Variants in PARP16 observed in about 807,000 individuals in gnomAD.
PARP16 encodes the protein poly(ADP-ribose) polymerase family member 16.
PARP16 carries 31 observed loss-of-function variants against 35.0 expected under a neutral mutation model. That is an observed-to-expected ratio of 0.88 (90% CI 0.66 to 1.19). The LOEUF (loss-of-function observed/expected upper bound fraction) is 1.19, where lower values mean the gene tolerates loss of function less well. Ranked by LOEUF, PARP16 falls within the 50% of genes most tolerant of loss-of-function variation. The probability of loss-of-function intolerance (pLI) is 0.00; values close to 1 mark genes in which losing one functional copy is unlikely to be tolerated. For synonymous variants in PARP16, 162 were observed against 169.5 expected (o/e 0.96, Z 0.34); for missense variants, 424 against 411.2 (o/e 1.03, Z -0.27).
At position 65,240,194 on chromosome 15, in the gene PARP16, A is replaced by G. The variant is rs535085930; in HGVS notation, c.*98-5371T>C. On this transcript the variant is annotated intron_variant and NMD_transcript_variant, in intron 3 of 3. Transcript: ENST00000559805. The stretch of plus-strand genomic sequence containing the variant: ...AGTCTCGCTCTGTCGCCCAGGCTGG[A>G]GAGCAGTGGCTCGGCTCACTGCAAG... 2.6e-5 allele frequency among the ~76,000 whole-genome samples: 4 copies of G among 151,018 alleles called. No individual in the cohort carries two copies. In the East Asian group the frequency reaches 5.9e-4, roughly 22 times the overall value.
At chr15:65,265,904 T>A (rs1360921505) in intron 3 of PARP16, among the ~76,000 whole-genome samples, 4 of 152,198 alleles carry the variant, frequency 2.6e-5, no homozygotes, top group African/African-American at 9.7e-5. Flanking sequence ...CAGCCAGGCA[T>A]CTGGGATTTT....
intron 3 of PARP16, among the ~76,000 whole-genome samples, chr15:65,247,088 TCAAG>T (rs1236201567): frequency 6.6e-6 from 1 of 151,976 alleles, no homozygotes. Context: ...CCTCCTGGGC[TCAAG>T]CAGTCTTCCA....
intron 1 of PARP16, among the ~76,000 whole-genome samples, chr15:65,284,337 C>CTTTTTTTTTTTTTTTTTTTTTTTTTTTT (rs34254507): frequency 1.5e-5 from 1 of 67,034 alleles, no homozygotes. Flanking sequence ...TTTCTTTCCT[C>CTTTTTTTTTTTTTTTTTTTTTTTTTTTT]TTTTTTTTTT....
chr15:65,264,058 A>C (rs2089819145), intron 3 of PARP16, among the ~76,000 whole-genome samples: 1 of 152,192 alleles, frequency 6.6e-6, no homozygotes, highest in African/African-American at 2.4e-5. Context: ...CTATAACAAA[A>C]TGAGGGAGGC....
chr15:65,266,513 A>G, intron 3 of PARP16, 49 bp downstream of exon 3: 1 of 1,498,438 alleles, frequency 6.7e-7, no homozygotes, highest in Non-Finnish European at 9.3e-7. Context: ...CCACTCTCCC[A>G]CCTCCATCCC....
At chr15:65,260,412 C>G (rs998079931) in intron 5 of PARP16, among the ~76,000 whole-genome samples, 5 of 152,194 alleles carry the variant, frequency 3.3e-5, no homozygotes, top group Admixed American at 6.5e-5. Flanking sequence ...CTATTGAGTT[C>G]AAGGCCCTCA....
chr15:65,232,575 C>A (rs1166355952), downstream of PARP16, among the ~76,000 whole-genome samples: 1 of 152,086 alleles, frequency 6.6e-6, no homozygotes, highest in Non-Finnish European at 1.5e-5. Context: ...CCCATGAGAC[C>A]ATGAAAATTC....
At chr15:65,264,192 G>GT (rs960665188) in intron 3 of PARP16, among the ~76,000 whole-genome samples, 6 of 152,194 alleles carry the variant, frequency 3.9e-5, no homozygotes. Flanking sequence ...TGAAGGACCT[G>GT]TAAGTTGAGG....
chr15:65,271,445 C>T (rs2090091943), intron 1 of PARP16, among the ~76,000 whole-genome samples: 1 of 151,932 alleles, frequency 6.6e-6, no homozygotes, highest in East Asian at 1.9e-4. Flanking sequence ...GGCTACTTTT[C>T]ATATTTTTTG....
chr15:65,267,369 C>T (rs563697906), intron 2 of PARP16, among the ~76,000 whole-genome samples: 63 of 151,056 alleles, frequency 4.2e-4, no homozygotes, highest in African/African-American at 1.4e-3. Flanking sequence ...GCACTTTGGG[C>T]GGCCGAGGCA....
chr15:65,255,673 C>T (rs142663390), downstream of PARP16, among the ~76,000 whole-genome samples: 18 of 135,368 alleles, frequency 1.3e-4, no homozygotes, highest in African/African-American at 4.7e-4. Context: ...TCAGGTATTG[C>T]GTTACCATTT....
At chr15:65,264,991 GC>G (rs2089843051) in intron 3 of PARP16, among the ~76,000 whole-genome samples, 1 of 152,246 alleles carries the variant, frequency 6.6e-6, no homozygotes, top group South Asian at 2.1e-4. Flanking sequence ...TAAAGGGGAA[GC>G]CCCCTGAATT....
At chr15:65,281,342 T>C (rs1347661543) in intron 1 of PARP16, among the ~76,000 whole-genome samples, 2 of 152,224 alleles carry the variant, frequency 1.3e-5, no homozygotes, top group Middle Eastern at 3.4e-3. Context: ...CCTCAAACAT[T>C]TGATAAGTAC....
rs563400237 is a variant in PARP16 at position 65,243,728 on chromosome 15, A to AT, written c.*97+4388dup. ...ATCTGGGCCTGGAGGGTTTCATTTT[A>AT]TTTTTTTTTGTGGGAAGGTTTTTAA... On this transcript the variant is annotated intron_variant and NMD_transcript_variant, in intron 3 of 3. Coordinates refer to the PARP16 transcript ENST00000559805. Among the ~76,000 whole-genome samples, 426 of 150,962 alleles carry AT rather than the reference A, an allele frequency of 2.8e-3. 3 individuals are homozygous for AT. Among genetic ancestry groups the AT allele is most frequent in the Middle Eastern group, 3.4e-3 (1 of 294 alleles).
chr15:65,250,005 T>TA (rs761122958), intron 2 of PARP16, among the ~76,000 whole-genome samples: 19 of 152,108 alleles, frequency 1.2e-4, no homozygotes, highest in Non-Finnish European at 2.6e-4. Flanking sequence ...ACTCGTTTTC[T>TA]ATTCACTGGG....
At chr15:65,276,897 G>A (rs965885016) in intron 1 of PARP16, among the ~76,000 whole-genome samples, 13 of 151,484 alleles carry the variant, frequency 8.6e-5, no homozygotes, top group African/African-American at 2.7e-4. Context: ...CAGGAGAATC[G>A]CTTGAACCGG....
intron 1 of PARP16, among the ~76,000 whole-genome samples, chr15:65,272,841 A>G (rs2090133157): frequency 6.6e-6 from 1 of 152,224 alleles, no homozygotes; most frequent in Admixed American, 6.5e-5. Flanking sequence ...GGAAGTTTGA[A>G]GAAGGTCACA....
intron 1 of PARP16, among the ~76,000 whole-genome samples, chr15:65,284,975 A>G (rs2090541410): frequency 6.6e-6 from 1 of 151,460 alleles, no homozygotes; most frequent in South Asian, 2.1e-4. Context: ...GCATCACCAC[A>G]CTCAGCTAAT....
chr15:65,261,258 C>A (rs2089702752), intron 4 of PARP16, among the ~76,000 whole-genome samples: 1 of 151,494 alleles, frequency 6.6e-6, no homozygotes, highest in South Asian at 2.1e-4. Context: ...GAAGAAAAAA[C>A]AAAACTCAAC....
Sources: gnomAD v4.1 joint callset for allele counts (sites outside exome capture counted in the v4.1 genomes callset) on GRCh38, gnomAD v4.1.1 for gene constraint, MANE v1.5 for transcripts, NCBI Gene and HGNC (gene_info 2026-07-23, HGNC 2026-07-21) for gene names.